Variants in WDR25 observed in about 807,000 individuals in gnomAD.
WDR25 encodes WD repeat-containing protein 25.
Under a neutral mutation model 47.7 loss-of-function variants are expected in WDR25, and 35 were observed. The ratio of observed to expected loss-of-function variants is 0.73; its 90% CI spans 0.56 to 0.97. The LOEUF is 0.97. WDR25 is among the 50% of genes least tolerant of loss of function. WDR25 has a pLI of 0.00. For synonymous variants in WDR25, 248 were observed against 278.9 expected, an observed-to-expected ratio of 0.89 and a Z score of 1.10; for missense variants, 634 against 704.7, an observed-to-expected ratio of 0.90 and a Z score of 1.14.
Position 100,440,211 on chromosome 14 carries a change from T to C in WDR25, c.823-27810T>C, listed in dbSNP as rs1898626446. 6.6e-6 allele frequency among the ~76,000 whole-genome samples: 1 copy of C among 152,236 alleles called. No homozygotes were observed. The highest frequency in any genetic ancestry group is 1.5e-5 in the Non-Finnish European group (1 of 68,036). On this transcript the variant is annotated intron_variant, in intron 2 of 6. Transcript: ENST00000402312. The surrounding 1 kb of genome is among the most constrained non-coding windows in gnomAD (Gnocchi z 4.4). ...CAATTTCAACCTGACTCCATTCCTC[T>C]CTTTATGTGTGTCAGTCATAGCAGG...
At chr14:100,513,966 C>T (rs1277512671) in intron 4 of WDR25, among the ~76,000 whole-genome samples, 1 of 149,516 alleles carries the variant, frequency 6.7e-6, no homozygotes, top group Non-Finnish European at 1.5e-5. Context: ...GACAGAGTCT[C>T]GCTCTGTGGC....
At chr14:100,460,788 A>G (rs1240999156) in intron 2 of WDR25, among the ~76,000 whole-genome samples, 2 of 152,234 alleles carry the variant, frequency 1.3e-5, no homozygotes, top group South Asian at 2.1e-4. Context: ...GATCAGGAAT[A>G]GGCAAGGGTG....
intron 4 of WDR25, among the ~76,000 whole-genome samples, chr14:100,492,936 C>T (rs957455387): frequency 6.6e-6 from 1 of 152,138 alleles, no homozygotes; most frequent in Non-Finnish European, 1.5e-5. Flanking sequence ...CTCAGCTTCT[C>T]TAGTAGCTGG....
intron 4 of WDR25, among the ~76,000 whole-genome samples, chr14:100,514,135 A>G (rs369356689): frequency 5.7e-4 from 85 of 149,442 alleles, no homozygotes; most frequent in African/African-American, 1.9e-3. Flanking sequence ...ATGGGGTTTC[A>G]CCGTGTTAGC....
intron 2 of WDR25, among the ~76,000 whole-genome samples, chr14:100,388,532 A>G (rs1298549077): frequency 2.0e-5 from 3 of 152,198 alleles, no homozygotes; most frequent in Non-Finnish European, 2.9e-5. Context: ...ACTGGTTGGC[A>G]GCAGAGCTGC....
intron 5 of WDR25, among the ~76,000 whole-genome samples, chr14:100,528,107 G>A (rs1440344502): frequency 1.3e-5 from 2 of 152,136 alleles, no homozygotes; most frequent in African/African-American, 2.4e-5. Flanking sequence ...GTGGAGGTGG[G>A]GAGATGGGCA....
chr14:100,447,655 G>A (rs1178774371), intron 2 of WDR25, among the ~76,000 whole-genome samples: 1 of 152,114 alleles, frequency 6.6e-6, no homozygotes, highest in African/African-American at 2.4e-5. Flanking sequence ...GGTGGGGGAG[G>A]CAGCAAAAGC....
chr14:100,528,040 G>A (rs540009929), intron 5 of WDR25, among the ~76,000 whole-genome samples: 3 of 152,216 alleles, frequency 2.0e-5, no homozygotes, highest in African/African-American at 7.2e-5. Flanking sequence ...CTCACTTACT[G>A]TGCATTTTGG....
At chr14:100,494,795 C>A (rs1900679578) in intron 4 of WDR25, among the ~76,000 whole-genome samples, 1 of 152,202 alleles carries the variant, frequency 6.6e-6, no homozygotes, top group African/African-American at 2.4e-5. Flanking sequence ...GTTGGGTATT[C>A]CCCTTCCCCA....
At chr14:100,415,454 C>T (rs1479768521) in intron 2 of WDR25, among the ~76,000 whole-genome samples, 3 of 152,168 alleles carry the variant, frequency 2.0e-5, no homozygotes, top group Non-Finnish European at 4.4e-5. Flanking sequence ...GAGCAAGCCA[C>T]GAACAGCTGA....
intron 4 of WDR25, among the ~76,000 whole-genome samples, chr14:100,522,535 A>G (rs879625933): frequency 5.9e-5 from 9 of 152,154 alleles, no homozygotes; most frequent in Non-Finnish European, 1.2e-4. Context: ...TGCATTTATT[A>G]TTGAGAGTTG....
At chr14:100,400,990 G>A (rs559114228) in intron 2 of WDR25, among the ~76,000 whole-genome samples, 1 of 152,278 alleles carries the variant, frequency 6.6e-6, no homozygotes, top group South Asian at 2.1e-4. Context: ...ATAAAAGAAT[G>A]TTCACGTTAA....
intron 2 of WDR25, among the ~76,000 whole-genome samples, chr14:100,393,593 G>A: frequency 6.6e-6 from 1 of 152,210 alleles, no homozygotes; most frequent in Non-Finnish European, 1.5e-5. Context: ...GACAGATGGT[G>A]GAAGGTGTGT....
intron 4 of WDR25, among the ~76,000 whole-genome samples, chr14:100,514,274 A>C (rs999487865): frequency 6.6e-6 from 1 of 152,048 alleles, no homozygotes; most frequent in Non-Finnish European, 1.5e-5. Context: ...TTATATTTAA[A>C]GTTTGTTTAT....
At position 100,380,914 on chromosome 14, in the gene WDR25, T is replaced by G; in HGVS notation, c.-11T>G. On this transcript the variant is annotated 5_prime_UTR_variant, in exon 2 of 7. Coordinates refer to ENST00000402312, the MANE Select transcript of WDR25 (RefSeq NM_001161476.3). ...GTTGACCTTGTTTGATCTTAGGTGG[T>G]TTGGCTTTGAATGACAGCAAGAACT... 3 of 1,606,940 alleles carry G rather than the reference T, an allele frequency of 1.9e-6. No individual in the cohort carries two copies. Among genetic ancestry groups the G allele is most frequent in the Non-Finnish European group, 2.6e-6 (3 of 1,174,190 alleles).
intron 2 of WDR25, among the ~76,000 whole-genome samples, chr14:100,410,268 C>T (rs1240558020): frequency 2.0e-5 from 3 of 152,226 alleles, no homozygotes; most frequent in South Asian, 4.1e-4. Flanking sequence ...TACATATGCT[C>T]TGGAATCTGG....
intron 2 of WDR25, among the ~76,000 whole-genome samples, chr14:100,393,627 A>G (rs1051601422): frequency 1.3e-5 from 2 of 152,206 alleles, no homozygotes; most frequent in South Asian, 4.1e-4. Flanking sequence ...AGGTCAGCAC[A>G]TGGTGAAGAA....
intron 3 of WDR25, among the ~76,000 whole-genome samples, chr14:100,479,599 A>G (rs1046824865): frequency 6.6e-6 from 1 of 152,184 alleles, no homozygotes; most frequent in Admixed American, 6.5e-5. Flanking sequence ...TATTAGAAAA[A>G]CAGTATTACA....
At chr14:100,513,189 C>T (rs1462053596) in intron 4 of WDR25, among the ~76,000 whole-genome samples, 1 of 152,112 alleles carries the variant, frequency 6.6e-6, no homozygotes, top group East Asian at 1.9e-4. Flanking sequence ...GTATGTATCC[C>T]TCCAAAATTT....
Sources: gnomAD v4.1 joint callset for allele counts (sites outside exome capture counted in the v4.1 genomes callset) on GRCh38, gnomAD v4.1.1 for gene constraint, Gnocchi (gnomAD v3.1) non-coding constraint, MANE v1.5 for transcripts, NCBI Gene and HGNC (gene_info 2026-07-23, HGNC 2026-07-21) for gene names.